FIRRM: variants seen among roughly 807,000 people sequenced by gnomAD.
FIRRM encodes FIGNL1-interacting regulator of recombination and mitosis.
chr1:169,793,908 A>T, the FIRRM span: 3 of 326,134 alleles, frequency 9.2e-6, no homozygotes, highest in Non-Finnish European at 1.7e-5. Flanking sequence ...CTGGAAAGAA[A>T]AAAAAAAAAA....
At chr1:169,799,509 T>C in the FIRRM span, among the ~76,000 whole-genome samples, 83 of 152,328 alleles carry the variant, frequency 5.4e-4, 1 homozygote, top group East Asian at 6.5e-3. Context: ...GGTTGTGGAA[T>C]ATTCATTTAT....
the FIRRM span, among the ~76,000 whole-genome samples, chr1:169,815,723 A>T: frequency 6.6e-6 from 1 of 152,136 alleles, no homozygotes; most frequent in African/African-American, 2.4e-5. Context: ...CCTGTGACTT[A>T]GGATGCCTAA....
the FIRRM span, chr1:169,842,557 T>C: frequency 6.2e-7 from 1 of 1,605,794 alleles, no homozygotes; most frequent in Non-Finnish European, 8.5e-7. Flanking sequence ...AAGCAACTGA[T>C]CCTTTCCTTA....
the FIRRM span, among the ~76,000 whole-genome samples, chr1:169,826,809 A>T: frequency 1.8e-4 from 28 of 152,172 alleles, no homozygotes; most frequent in African/African-American, 6.0e-4. Context: ...AGCAACAAAG[A>T]TTTCTCTAAG....
the FIRRM span, among the ~76,000 whole-genome samples, chr1:169,847,115 G>A: frequency 6.6e-6 from 1 of 151,844 alleles, no homozygotes; most frequent in Non-Finnish European, 1.5e-5. Context: ...CATCTTATAG[G>A]GGCACAGTTT....
chr1:169,811,723 ATCTAAATAGATAATAGACAGATT>A, the FIRRM span, among the ~76,000 whole-genome samples: 3 of 151,108 alleles, frequency 2.0e-5, no homozygotes, highest in Admixed American at 6.6e-5. Context: ...TAGACAGATT[ATCTAAATAGATAATAGACAGATT>A]ATCTAAATAG....
chr1:169,820,563 A>G, the FIRRM span, among the ~76,000 whole-genome samples: 2,386 of 152,286 alleles, frequency 0.016, 64 homozygotes, highest in African/African-American at 0.054. Context: ...GAAGGAGTCT[A>G]ATTTTCCTAA....
the FIRRM span, among the ~76,000 whole-genome samples, chr1:169,828,219 C>A: frequency 6.6e-6 from 1 of 152,112 alleles, no homozygotes; most frequent in Non-Finnish European, 1.5e-5. Flanking sequence ...TTGCCAACAC[C>A]GTAGTCCAGG....
At chr1:169,841,677 T>C in the FIRRM span, among the ~76,000 whole-genome samples, 526 of 152,308 alleles carry the variant, frequency 3.5e-3, 1 homozygote, top group Admixed American at 8.6e-3. Flanking sequence ...GCAGTGTTGC[T>C]GAGGCATTTA....
chr1:169,830,702 G>C, the FIRRM span: 3 of 1,613,688 alleles, frequency 1.9e-6, no homozygotes, highest in Non-Finnish European at 2.5e-6. Flanking sequence ...GCAGATATGG[G>C]ACTGCTGAAC....
the FIRRM span, chr1:169,851,045 C>CTTT: frequency 5.8e-5 from 1 of 17,312 alleles, no homozygotes; most frequent in African/African-American, 2.3e-4. Context: ...GCTCAGGGCC[C>CTTT]TTTTTTTTTT....
At chr1:169,789,480 T>C in the FIRRM span, among the ~76,000 whole-genome samples, 4 of 152,184 alleles carry the variant, frequency 2.6e-5, no homozygotes, top group African/African-American at 7.2e-5. Context: ...TTCTGAACCA[T>C]GGACAGAACG....
chr1:169,797,477 G>T, the FIRRM span, among the ~76,000 whole-genome samples: 1 of 152,164 alleles, frequency 6.6e-6, no homozygotes, highest in Non-Finnish European at 1.5e-5. Context: ...ACCTCATTTT[G>T]ATTGCTGCTG....
At chr1:169,817,102 C>G in the FIRRM span, among the ~76,000 whole-genome samples, 4 of 151,672 alleles carry the variant, frequency 2.6e-5, no homozygotes, top group African/African-American at 7.3e-5. Flanking sequence ...AAAGAATCAG[C>G]AACATTTTAA....
the FIRRM span, chr1:169,853,862 T>TTATC: frequency 2.1e-5 from 30 of 1,454,550 alleles, no homozygotes; most frequent in Middle Eastern, 3.5e-4. Flanking sequence ...AATTTAAAAT[T>TTATC]TATCTTTTGA....
chr1:169,820,965 G>C, the FIRRM span, among the ~76,000 whole-genome samples: 1 of 152,188 alleles, frequency 6.6e-6, no homozygotes, highest in Non-Finnish European at 1.5e-5. Context: ...AGCCAAATAT[G>C]TCACATTGCA....
the FIRRM span, among the ~76,000 whole-genome samples, chr1:169,844,186 A>G: frequency 6.6e-6 from 1 of 152,210 alleles, no homozygotes; most frequent in East Asian, 1.9e-4. Context: ...AAATAAAATT[A>G]TTTTGAAAGA....
the FIRRM span, among the ~76,000 whole-genome samples, chr1:169,839,020 G>A: frequency 4.0e-3 from 613 of 152,256 alleles, 5 homozygotes; most frequent in African/African-American, 0.014. Flanking sequence ...TTATAAGTGA[G>A]AACATGTGGT....
the FIRRM span, chr1:169,793,926 G>T: frequency 2.6e-5 from 10 of 388,258 alleles, no homozygotes; most frequent in East Asian, 3.7e-4. Context: ...AAAAAAGAAA[G>T]AAAATGATGA....
Sources: allele counts gnomAD v4.1 joint callset (sites outside exome capture counted in the v4.1 genomes callset), GRCh38; gene constraint gnomAD v4.1.1; transcripts MANE v1.5; gene names NCBI Gene and HGNC (gene_info 2026-07-23, HGNC 2026-07-21).